The following MOB1B variants were observed in gnomAD, a reference collection of about 807,000 sequenced individuals.
MOB1B encodes MOB1 Mps One Binder homolog B.
A neutral mutation model predicts 24.4 loss-of-function variants in MOB1B; 19 were observed. The ratio of observed to expected loss-of-function variants is 0.78; its 90% confidence interval spans 0.54 to 1.14. The LOEUF (loss-of-function observed/expected upper bound fraction) is 1.14, where lower values mean the gene tolerates loss of function less well. MOB1B is among the 50% of genes most tolerant of loss of function. MOB1B has a pLI of 0.00. For missense variants in MOB1B, 243 were observed against 259.6 expected (o/e 0.94, Z 0.44); for synonymous variants, 76 against 82.1 (o/e 0.93, Z 0.40).
In MOB1B at chr4:70,936,749, G is replaced by A. The variant is rs140439425; in HGVS notation, c.15-22125G>A. Reference sequence around the variant, plus strand: ...AAACTCTAGAAGCAGTAAGAGGAATGTAAGTATTTTAAGACCTTATATATC... The same window carrying A: ...AAACTCTAGAAGCAGTAAGAGGAATATAAGTATTTTAAGACCTTATATATC... On this transcript the variant is annotated intron_variant, in intron 1 of 5. Coordinates refer to ENST00000309395, the MANE Select transcript of MOB1B (RefSeq NM_173468.4). Among the ~76,000 whole-genome samples, 53 of 152,272 alleles carry A rather than the reference G, an allele frequency of 3.5e-4. No individual in the cohort carries two copies. In the East Asian group the frequency reaches 6.6e-3, roughly 19 times the overall value.
At chr4:70,904,042 G>C (rs1028855486) in intron 1 of MOB1B, among the ~76,000 whole-genome samples, 2 of 123,806 alleles carry the variant, frequency 1.6e-5, no homozygotes, top group African/African-American at 2.9e-5. Context: ...GTGTGTAGTG[G>C]CGTGATCTCG....
chr4:70,911,825 T>C (rs539176890), intron 1 of MOB1B, among the ~76,000 whole-genome samples: 3 of 152,284 alleles, frequency 2.0e-5, no homozygotes, highest in South Asian at 4.1e-4. Flanking sequence ...AACTGAGTCC[T>C]GTAGAGAACT....
At chr4:70,947,229 T>G (rs1206736654) in intron 1 of MOB1B, among the ~76,000 whole-genome samples, 2 of 152,238 alleles carry the variant, frequency 1.3e-5, no homozygotes, top group Admixed American at 1.3e-4. Context: ...TCGTAGACTC[T>G]GAAAAGGCAG....
intron 1 of MOB1B, among the ~76,000 whole-genome samples, chr4:70,939,563 T>C (rs1236467150): frequency 2.0e-5 from 3 of 152,188 alleles, no homozygotes; most frequent in Non-Finnish European, 4.4e-5. Context: ...ACACCTGCAA[T>C]CCCAGCTACT....
chr4:70,930,622 T>C (rs972305282), intron 1 of MOB1B, among the ~76,000 whole-genome samples: 3 of 152,208 alleles, frequency 2.0e-5, no homozygotes, highest in Non-Finnish European at 4.4e-5. Context: ...ATTAGTAAAA[T>C]CAGTAAATAC....
intron 2 of MOB1B, among the ~76,000 whole-genome samples, chr4:70,962,429 G>T (rs1168029004): frequency 1.3e-5 from 2 of 152,140 alleles, no homozygotes; most frequent in Non-Finnish European, 2.9e-5. Flanking sequence ...AGAAGAAAAG[G>T]CAATTCAGTG....
intron 1 of MOB1B, among the ~76,000 whole-genome samples, chr4:70,919,501 T>C (rs1736337306): frequency 6.6e-6 from 1 of 152,126 alleles, no homozygotes; most frequent in Non-Finnish European, 1.5e-5. Flanking sequence ...ACTGTTTCTT[T>C]TTTTGTTGTT....
intron 1 of MOB1B, among the ~76,000 whole-genome samples, chr4:70,946,013 C>G (rs1229417499): frequency 6.7e-6 from 1 of 149,642 alleles, no homozygotes; most frequent in Non-Finnish European, 1.5e-5. Context: ...GACTACACAA[C>G]TTCTGTGTCA....
chr4:70,926,726 G>T (rs919718031), intron 1 of MOB1B, among the ~76,000 whole-genome samples: 1 of 152,192 alleles, frequency 6.6e-6, no homozygotes, highest in African/African-American at 2.4e-5. Flanking sequence ...AACAAGATGT[G>T]CCGGGCGCAG....
chr4:70,972,947 G>A (rs1738822195), intron 3 of MOB1B, among the ~76,000 whole-genome samples: 1 of 151,752 alleles, frequency 6.6e-6, no homozygotes, highest in South Asian at 2.1e-4. Flanking sequence ...CTAATTTTTT[G>A]TATTTTTAGT....
At chr4:70,920,238 C>G (rs2148872706) in intron 1 of MOB1B, among the ~76,000 whole-genome samples, 1 of 152,168 alleles carries the variant, frequency 6.6e-6, no homozygotes, top group East Asian at 1.9e-4. Flanking sequence ...TCCTCTTCCT[C>G]TTCCTCTCCT....
At chr4:70,928,913 G>A (rs550226130) in intron 1 of MOB1B, among the ~76,000 whole-genome samples, 11 of 152,102 alleles carry the variant, frequency 7.2e-5, no homozygotes, top group Non-Finnish European at 1.5e-4. Flanking sequence ...TTATCACATA[G>A]TTTTGTAGAG....
chr4:70,971,958 C>G (rs544199450), intron 3 of MOB1B, among the ~76,000 whole-genome samples: 66 of 151,590 alleles, frequency 4.4e-4, no homozygotes, highest in African/African-American at 1.5e-3. Flanking sequence ...CTCTACGTCT[C>G]TTTTCTTCTT....
intron 1 of MOB1B, among the ~76,000 whole-genome samples, chr4:70,956,002 G>A (rs1190221001): frequency 6.6e-6 from 1 of 152,020 alleles, no homozygotes; most frequent in Non-Finnish European, 1.5e-5. Context: ...TTTCCCAGTA[G>A]TTGGGACTAC....
Position 70,962,282 on chromosome 4 carries a change from A to G in MOB1B, c.181+3242A>G, listed in dbSNP as rs139819816. Among the ~76,000 whole-genome samples, 306 of 152,346 alleles carry G rather than the reference A, an allele frequency of 2.0e-3. 1 individual carries two copies. The highest frequency in any genetic ancestry group is 6.9e-3 in the African/African-American group (285 of 41,582). ...CTCCCCAGGCTTCACGAATTAGTCA[A>G]AACTCTACCTGATAACACTATTTTG... On this transcript the variant is annotated intron_variant, in intron 2 of 5. Coordinates refer to ENST00000309395, the MANE Select transcript of MOB1B (RefSeq NM_173468.4).
chr4:70,970,749 G>A (rs1738719233), intron 3 of MOB1B, among the ~76,000 whole-genome samples: 3 of 152,070 alleles, frequency 2.0e-5, no homozygotes, highest in Admixed American at 1.3e-4. Context: ...ATGCATTGCC[G>A]TAGACTCAAA....
At chr4:70,965,666 G>A (rs936827246) in intron 2 of MOB1B, among the ~76,000 whole-genome samples, 1 of 150,632 alleles carries the variant, frequency 6.6e-6, no homozygotes, top group Non-Finnish European at 1.5e-5. Flanking sequence ...GCGTGGTGGC[G>A]GGCGCCTGCA....
intron 1 of MOB1B, among the ~76,000 whole-genome samples, chr4:70,921,429 A>C (rs562685026): frequency 2.0e-5 from 3 of 149,010 alleles, no homozygotes; most frequent in Non-Finnish European, 4.4e-5. Context: ...TAAAAAAAGA[A>C]TTGCCAAACT....
intron 4 of MOB1B, among the ~76,000 whole-genome samples, chr4:70,977,517 G>A (rs1455743884): frequency 6.6e-6 from 1 of 151,832 alleles, no homozygotes; most frequent in Non-Finnish European, 1.5e-5. Flanking sequence ...AAATTTTATT[G>A]TATATATTTA....
Sources: gnomAD v4.1 joint callset for allele counts (sites outside exome capture counted in the v4.1 genomes callset) on GRCh38, gnomAD v4.1.1 for gene constraint, MANE v1.5 for transcripts, NCBI Gene and HGNC (gene_info 2026-07-23, HGNC 2026-07-21) for gene names.